The following RXYLT1 variants were observed in gnomAD, a reference collection of about 807,000 sequenced individuals.
The protein encoded by RXYLT1 is ribitol-5-phosphate xylosyltransferase 1.
RXYLT1 carries 41 observed loss-of-function variants against 43.5 expected under a neutral mutation model. The observed-to-expected ratio is 0.94, with a 90% CI of 0.73 to 1.22. RXYLT1 has a LOEUF of 1.22. RXYLT1 is among the 50% of genes most tolerant of loss of function. The pLI, the probability that RXYLT1 is intolerant of heterozygous loss-of-function variation, is 0.00. For synonymous variants in RXYLT1, 166 were observed against 194.4 expected (o/e 0.85, Z 1.21); for missense variants, 514 against 532.0 (o/e 0.97, Z 0.33).
At position 63,802,405 on chromosome 12, in the gene RXYLT1, C is replaced by CCTGGCAGCCTCAG; in HGVS notation, c.743_743+1insCTGGCAGCCTCAG (p.Tyr249TrpfsTer20). 6.4e-7 allele frequency: 1 copy of CCTGGCAGCCTCAG among 1,559,266 alleles called. No homozygotes were observed. The highest frequency in any genetic ancestry group is 1.4e-5 in the African/African-American group (1 of 72,656). On this transcript the variant is annotated frameshift_variant and splice_region_variant. Transcript: ENST00000261234. LOFTEE classifies it high-confidence loss of function. The stretch of plus-strand genomic sequence containing the variant: ...TTTCAGTGGCCTTTAGGAGTAGCAA[C>CCTGGCAGCCTCAG]GTAAGTACAAAATATGATTAAACAT...
At chr12:63,803,619 G>C (rs1408999645) in intron 4 of RXYLT1, 1 of 152,178 alleles carries the variant, frequency 6.6e-6, no homozygotes, top group Middle Eastern at 3.4e-3. Flanking sequence ...GTAGGTTTGG[G>C]GTAAGGCCAG....
intron 3 of RXYLT1, among the ~76,000 whole-genome samples, chr12:63,799,292 CTTT>C (rs1468651555): frequency 4.8e-4 from 59 of 122,154 alleles, no homozygotes; most frequent in Non-Finnish European, 9.4e-4. Flanking sequence ...CTTTGTTTTT[CTTT>C]TCTTTTCTTT....
chr12:63,800,409 A>G (rs144828905), intron 3 of RXYLT1, among the ~76,000 whole-genome samples: 43 of 152,348 alleles, frequency 2.8e-4, no homozygotes, highest in African/African-American at 1.0e-3. Flanking sequence ...TGAAAATTAG[A>G]TTCTATCAGG....
intron 5 of RXYLT1, chr12:63,806,462 T>C (rs1173741575): frequency 6.6e-6 from 1 of 152,208 alleles, no homozygotes; most frequent in Non-Finnish European, 1.5e-5. Flanking sequence ...AGAATGTGCA[T>C]GGGTGAGTCT....
intron 3 of RXYLT1, among the ~76,000 whole-genome samples, chr12:63,791,483 A>G (rs1214636560): frequency 1.3e-5 from 2 of 152,232 alleles, no homozygotes; most frequent in Non-Finnish European, 2.9e-5. Context: ...AACATGTCAG[A>G]TGGCATTTTT....
At chr12:63,789,359 T>C (rs1289224518) in intron 3 of RXYLT1, among the ~76,000 whole-genome samples, 1 of 152,152 alleles carries the variant, frequency 6.6e-6, no homozygotes, top group South Asian at 2.1e-4. Flanking sequence ...GTGAGACTTA[T>C]TCACTATCAT....
intron 3 of RXYLT1, among the ~76,000 whole-genome samples, chr12:63,800,284 G>T (rs1898130643): frequency 6.6e-6 from 1 of 152,152 alleles, no homozygotes; most frequent in Admixed American, 6.5e-5. Context: ...TGTTGGGGGG[G>T]TTAATGATGA....
At chr12:63,790,359 C>T (rs1045258349) in intron 3 of RXYLT1, 13 of 152,124 alleles carry the variant, frequency 8.5e-5, no homozygotes, top group African/African-American at 2.9e-4. Context: ...ACCACTGAAT[C>T]GGTAACATCA....
At chr12:63,799,282 C>T (rs1191701109) in intron 3 of RXYLT1, among the ~76,000 whole-genome samples, 4 of 144,088 alleles carry the variant, frequency 2.8e-5, no homozygotes, top group African/African-American at 5.1e-5. Context: ...CTAAAACCTA[C>T]TTTGTTTTTC....
intron 4 of RXYLT1, chr12:63,803,877 G>A (rs1253761322): frequency 1.9e-4 from 26 of 138,774 alleles, no homozygotes; most frequent in African/African-American, 7.1e-4. Flanking sequence ...TTTTTGAGAC[G>A]AAGTCTTGCT....
At chr12:63,798,522 T>C (rs942638767) in intron 3 of RXYLT1, among the ~76,000 whole-genome samples, 1 of 152,222 alleles carries the variant, frequency 6.6e-6, no homozygotes, top group Non-Finnish European at 1.5e-5. Flanking sequence ...GTTTCTTCTT[T>C]TAGATCTGTG....
At chr12:63,785,926 T>C (rs1343850606) in intron 3 of RXYLT1, among the ~76,000 whole-genome samples, 3 of 152,112 alleles carry the variant, frequency 2.0e-5, no homozygotes, top group Non-Finnish European at 4.4e-5. Context: ...TTACTTTATA[T>C]ACACTTGGAA....
intron 3 of RXYLT1, among the ~76,000 whole-genome samples, chr12:63,801,834 C>CA (rs1028802158): frequency 6.6e-6 from 1 of 151,298 alleles, no homozygotes; most frequent in South Asian, 2.1e-4. Context: ...AAAAAAAAAA[C>CA]AAAAAAACAC....
At chr12:63,792,599 G>T (rs545169507) in intron 3 of RXYLT1, among the ~76,000 whole-genome samples, 1 of 152,294 alleles carries the variant, frequency 6.6e-6, no homozygotes, top group South Asian at 2.1e-4. Flanking sequence ...CAGCCATCTG[G>T]GGTCTTATTG....
At chr12:63,803,680 C>CT (rs1420819792) in intron 4 of RXYLT1, 1 of 152,006 alleles carries the variant, frequency 6.6e-6, no homozygotes, top group African/African-American at 2.4e-5. Flanking sequence ...TCTTAAAAAT[C>CT]TATTTTTTGA....
intron 4 of RXYLT1, among the ~76,000 whole-genome samples, chr12:63,803,125 G>A (rs1168444687): frequency 8.1e-6 from 1 of 123,644 alleles, no homozygotes; most frequent in African/African-American, 3.1e-5. Context: ...AGATTGAGCT[G>A]AGATTGTACC....
chr12:63,801,478 A>C (rs1898157655), intron 3 of RXYLT1, among the ~76,000 whole-genome samples: 1 of 152,160 alleles, frequency 6.6e-6, no homozygotes, highest in Non-Finnish European at 1.5e-5. Context: ...TCTTTGCTTA[A>C]GAGTTTAAAT....
intron 2 of RXYLT1, among the ~76,000 whole-genome samples, chr12:63,781,900 G>A (rs903303299): frequency 3.9e-5 from 6 of 152,142 alleles, no homozygotes; most frequent in Non-Finnish European, 7.4e-5. Flanking sequence ...AGAGCATAGT[G>A]CTCTGCTCAT....
At chr12:63,801,313 T>C (rs966904638) in intron 3 of RXYLT1, among the ~76,000 whole-genome samples, 5 of 152,308 alleles carry the variant, frequency 3.3e-5, no homozygotes, top group Admixed American at 2.0e-4. Context: ...CATTCTTCGT[T>C]TCTTAATTTG....
Sources: gnomAD v4.1 joint callset for allele counts (sites outside exome capture counted in the v4.1 genomes callset) on GRCh38, gnomAD v4.1.1 for gene constraint, MANE v1.5 for transcripts, NCBI Gene and HGNC (gene_info 2026-07-23, HGNC 2026-07-21) for gene names.